The following TTC9 variants were observed in gnomAD, a reference collection of about 807,000 sequenced individuals.
TTC9 encodes the protein tetratricopeptide repeat protein 9A.
A neutral mutation model predicts 22.9 loss-of-function variants in TTC9; 13 were observed. That is an observed-to-expected ratio of 0.57 (90% CI 0.37 to 0.90). TTC9 has a LOEUF of 0.90. TTC9 is among the 40% of genes least tolerant of loss of function. The pLI is 0.01. For missense variants in TTC9, 280 were observed against 291.8 expected (o/e 0.96, Z 0.29); for synonymous variants, 148 against 133.2 (o/e 1.11, Z -0.77).
At chr14:70,661,912 T>G (rs545151307) in intron 1 of TTC9, among the ~76,000 whole-genome samples, 3 of 152,350 alleles carry the variant, frequency 2.0e-5, no homozygotes, top group African/African-American at 7.2e-5. Flanking sequence ...GCTTCAATTC[T>G]TGTCCCCCAG....
intron 1 of TTC9, among the ~76,000 whole-genome samples, chr14:70,666,281 A>C (rs901051326): frequency 6.6e-6 from 1 of 152,192 alleles, no homozygotes; most frequent in African/African-American, 2.4e-5. Context: ...GTTTACTCAA[A>C]GATGGCTGTT....
intron 2 of TTC9, among the ~76,000 whole-genome samples, chr14:70,669,721 C>T (rs201169938): frequency 1.3e-5 from 2 of 152,060 alleles, no homozygotes; most frequent in Non-Finnish European, 2.9e-5. Context: ...GTACATAAAT[C>T]GTGTTCCACC....
At position 70,642,285 on chromosome 14, in the gene TTC9, G is replaced by A; in HGVS notation, c.156G>A (p.Glu52=). 2 of 1,525,450 alleles carry A rather than the reference G, an allele frequency of 1.3e-6. No individual in the cohort carries two copies. Among genetic ancestry groups the A allele is most frequent in the South Asian group, 1.2e-5 (1 of 82,374 alleles). The allele number at this position is 1,525,450 out of a possible 1,614,324, so 94.5% of individuals were successfully genotyped here. A position where few individuals can be genotyped will look rare whatever the true frequency, so the allele number is the denominator to read the frequency against. Residue 52 remains glutamate (E), a synonymous_variant, in exon 1 of 3, where the codon GAG becomes GAA. Transcript: ENST00000256367. ...GQVGAAAEPA[E]LIRRAHEFKS... is the part of the protein sequence containing the mutation. ...TCGGGGCGGCGGCCGAGCCGGCCGAGCTCATCCGACGAGCGCACGAGTTCA... is the reference window on the plus strand; with the variant it reads ...TCGGGGCGGCGGCCGAGCCGGCCGAACTCATCCGACGAGCGCACGAGTTCA...
At chr14:70,666,818 ACAAGG>A (rs1228466622) in intron 1 of TTC9, among the ~76,000 whole-genome samples, 1 of 152,250 alleles carries the variant, frequency 6.6e-6, no homozygotes, top group Non-Finnish European at 1.5e-5. Context: ...CAGCATCTGT[ACAAGG>A]TAAGCACTCA....
chr14:70,670,871 A>G (rs1005493176), intron 2 of TTC9, among the ~76,000 whole-genome samples: 11 of 151,676 alleles, frequency 7.3e-5, no homozygotes, highest in African/African-American at 2.2e-4. Context: ...GGTCATGCCA[A>G]CCTGTCCACA....
At position 70,672,656 on chromosome 14, in the gene TTC9, A is replaced by T. The variant is rs184015766; in HGVS notation, c.*1501A>T. 10 of 152,394 alleles carry T rather than the reference A, an allele frequency of 6.6e-5. No homozygotes were observed. 9.4% of individuals were successfully genotyped at this position (152,394 alleles called of 1,614,324 possible). A position where few individuals can be genotyped will look rare whatever the true frequency, so the allele number is the denominator to read the frequency against. Reference sequence around the variant, plus strand: ...ACAATGTTGTACAAAATTAAAATATATACAGATGCAATAATGTGAATAGTT... The same window carrying T: ...ACAATGTTGTACAAAATTAAAATATTTACAGATGCAATAATGTGAATAGTT... On this transcript the variant is annotated 3_prime_UTR_variant, in exon 3 of 3. Coordinates refer to ENST00000256367, the MANE Select transcript of TTC9 (RefSeq NM_015351.2).
chr14:70,669,059 G>A (rs1886255238), intron 2 of TTC9, among the ~76,000 whole-genome samples: 1 of 151,630 alleles, frequency 6.6e-6, no homozygotes, highest in South Asian at 2.1e-4. Context: ...AGGAGGCTGA[G>A]GCAGAAGAAT....
In TTC9 at chr14:70,642,521, A is replaced by C. The variant is rs1277898692; in HGVS notation, c.392A>C (p.Tyr131Ser). 2.6e-6 allele frequency: 4 copies of C among 1,540,296 alleles called. No homozygotes were observed. Among genetic ancestry groups the C allele is most frequent in the Non-Finnish European group, 3.5e-6 (4 of 1,142,558 alleles). The change falls in exon 1 of 3, where the codon TAC becomes TCC. Residue 131 changes from tyrosine to serine, a missense_variant. By Grantham distance (144) the Tyr-to-Ser change is moderately radical. This residue lies in a region of TTC9 where 165 missense variants were observed against 145.4 expected (regional missense o/e 1.14). Transcript: ENST00000256367. ...KTVEAIEIDC[Y>S]NSLAACLLQA... is the part of the protein sequence containing the mutation. ...GTGGAAGCCATCGAGATCGACTGTT[A>C]CAACAGCCTGGCAGGTGAGCCGCGC...
chr14:70,666,305 A>G (rs1167631139), intron 1 of TTC9, among the ~76,000 whole-genome samples: 1 of 152,098 alleles, frequency 6.6e-6, no homozygotes, highest in Non-Finnish European at 1.5e-5. Flanking sequence ...GGGATGGGGA[A>G]GCTCTCCACC....
At chr14:70,659,524 A>C (rs775381742) in intron 1 of TTC9, among the ~76,000 whole-genome samples, 33 of 152,180 alleles carry the variant, frequency 2.2e-4, no homozygotes, top group Admixed American at 2.0e-4. Context: ...TTAGGAAAAA[A>C]AGCAGCCGCA....
intron 1 of TTC9, 72 bp from the exon 2 acceptor site, chr14:70,667,492 A>G (rs1157882332): frequency 5.8e-6 from 9 of 1,549,372 alleles, no homozygotes; most frequent in Non-Finnish European, 8.0e-6. Flanking sequence ...CTCTGGAGAG[A>G]AGCAACTCAA....
chr14:70,660,760 T>G (rs1886134467), intron 1 of TTC9, among the ~76,000 whole-genome samples: 1 of 152,270 alleles, frequency 6.6e-6, no homozygotes, highest in Admixed American at 6.5e-5. Context: ...GGTTATGATC[T>G]ATACCAGTCA....
At chr14:70,654,815 A>G (rs1886038675) in intron 1 of TTC9, among the ~76,000 whole-genome samples, 1 of 152,202 alleles carries the variant, frequency 6.6e-6, no homozygotes, top group Admixed American at 6.5e-5. Context: ...CGAAACAGAA[A>G]AAGGAAAGCC....
chr14:70,650,296 G>T (rs1885964942), intron 1 of TTC9, among the ~76,000 whole-genome samples: 1 of 152,222 alleles, frequency 6.6e-6, no homozygotes, highest in East Asian at 1.9e-4. Flanking sequence ...GGTGGCGCGT[G>T]CCTATAATCC....
Position 70,659,120 on chromosome 14 carries a change from A to ACACACACACGCGCGCG in TTC9, c.407-8435_407-8434insGCGCGCGCACACACAC, listed in dbSNP as rs1491246365. 2.7e-4 allele frequency among the ~76,000 whole-genome samples: 30 copies of ACACACACACGCGCGCG among 109,998 alleles called. No individual in the cohort carries two copies. In the East Asian group the frequency reaches 0.013, roughly 47 times the overall value. 72.2% of individuals were successfully genotyped at this position (109,998 alleles called of 152,430 possible). On this transcript the variant is annotated intron_variant, in intron 1 of 2. Coordinates refer to ENST00000256367, the MANE Select transcript of TTC9 (RefSeq NM_015351.2). Reference sequence around the variant, plus strand: ...ACACGATAAAACTGTATATAACTAAACACACACACACGCACACACACACAC... The same window carrying ACACACACACGCGCGCG: ...ACACGATAAAACTGTATATAACTAAACACACACACGCGCGCGCACACACACACGCACACACACACAC...
chr14:70,664,569 T>C (rs544578100), intron 1 of TTC9, among the ~76,000 whole-genome samples: 1 of 152,098 alleles, frequency 6.6e-6, no homozygotes, highest in East Asian at 1.9e-4. Context: ...CTATTAAAAC[T>C]ACAAAAATTA....
chr14:70,661,927 G>T (rs1886149747), intron 1 of TTC9, among the ~76,000 whole-genome samples: 1 of 152,166 alleles, frequency 6.6e-6, no homozygotes, highest in East Asian at 1.9e-4. Context: ...CCCCAGATTT[G>T]CCTTTCTCTT....
chr14:70,647,115 ATTC>A (rs1378293920), intron 1 of TTC9, among the ~76,000 whole-genome samples: 2 of 152,204 alleles, frequency 1.3e-5, no homozygotes, highest in African/African-American at 4.8e-5. Flanking sequence ...AGATTTTACT[ATTC>A]TTTATGATGT....
intron 1 of TTC9, among the ~76,000 whole-genome samples, chr14:70,647,598 A>T (rs1463225853): frequency 2.0e-5 from 3 of 152,208 alleles, no homozygotes; most frequent in Non-Finnish European, 4.4e-5. Context: ...GGCATAATTA[A>T]GTCTTGATGA....
Sources: gnomAD v4.1 joint callset for allele counts (sites outside exome capture counted in the v4.1 genomes callset) on GRCh38, gnomAD v4.1.1 for gene constraint, gnomAD v4.1.1 regional missense constraint, MANE v1.5 for transcripts, NCBI Gene and HGNC (gene_info 2026-07-23, HGNC 2026-07-21) for gene names.